RTN4RL1: variants seen among roughly 807,000 people sequenced by gnomAD.
RTN4RL1 encodes the protein reticulon 4 receptor like 1, also known as reticulon-4 receptor-like 1.
RTN4RL1 carries 7 observed loss-of-function variants against 25.6 expected under a neutral mutation model. That is an observed-to-expected ratio of 0.27 (90% CI 0.16 to 0.51). The LOEUF (loss-of-function observed/expected upper bound fraction) is 0.51, where lower values mean the gene tolerates loss of function less well. RTN4RL1 is among the 20% of genes least tolerant of loss of function. The probability of loss-of-function intolerance (pLI) is 0.97; values close to 1 mark genes in which losing one functional copy is unlikely to be tolerated. For missense variants in RTN4RL1, 500 were observed against 615.6 expected, an observed-to-expected ratio of 0.81 and a Z score of 1.99; for synonymous variants, 297 against 288.2, an observed-to-expected ratio of 1.03 and a Z score of -0.31.
At chr17:1,980,753 C>T (rs1017337948) in intron 1 of RTN4RL1, among the ~76,000 whole-genome samples, 1 of 151,208 alleles carries the variant, frequency 6.6e-6, no homozygotes, top group Non-Finnish European at 1.5e-5. Context: ...CATGGAGAAA[C>T]CCCGTCTCTA....
chr17:1,936,871 C>G lies in RTN4RL1; in HGVS notation c.951G>C (p.Thr317=). Residue 317 remains threonine (T), a synonymous_variant, in exon 2 of 2, where the codon ACG becomes ACC. Coordinates refer to ENST00000331238, the MANE Select transcript of RTN4RL1 (RefSeq NM_178568.4). The part of the protein sequence containing the change: ...PASPHQIKSH[T]LTTTDRAARK... ...GGGCGGCCCTGTCGGTGGTGGTGAG[C>G]GTGTGTGACTTGATCTGGTGCGGGG... 1 of 1,596,794 alleles carries G rather than the reference C, an allele frequency of 6.3e-7. No homozygotes were observed. The highest frequency in any genetic ancestry group is 8.5e-7 in the Non-Finnish European group (1 of 1,171,634).
At chr17:1,947,480 T>C (rs181779124) in intron 1 of RTN4RL1, among the ~76,000 whole-genome samples, 72 of 152,286 alleles carry the variant, frequency 4.7e-4, no homozygotes, top group Middle Eastern at 6.8e-3. Context: ...TGGCTCTGGT[T>C]TGCCTTCAAC....
At position 1,998,610 on chromosome 17, in the gene RTN4RL1, C is replaced by T. The variant is rs1202535190; in HGVS notation, c.13+26243G>A. 1.3e-5 allele frequency among the ~76,000 whole-genome samples: 2 copies of T among 152,170 alleles called. No individual in the cohort carries two copies. The highest frequency in any genetic ancestry group is 2.9e-5 in the Non-Finnish European group (2 of 67,974). ...GAACGCTGAGGCGGAGGGTGGGGGACGTGGGGCCGGCTCGCCTCCTCCTGG... is the reference window on the plus strand; with the variant it reads ...GAACGCTGAGGCGGAGGGTGGGGGATGTGGGGCCGGCTCGCCTCCTCCTGG... On this transcript the variant is annotated intron_variant, in intron 1 of 1. Transcript: ENST00000331238. This position sits in a 1 kb window ranked among gnomAD's most constrained non-coding sequence, Gnocchi z 4.9.
At chr17:1,946,975 G>C (rs111163784) in intron 1 of RTN4RL1, among the ~76,000 whole-genome samples, 59,421 of 146,190 alleles carry the variant, frequency 0.41, 12,843 homozygotes, top group Middle Eastern at 0.52. Flanking sequence ...GTCTCTGTGT[G>C]AATGTGTGTG....
Position 1,937,465 on chromosome 17 carries a change from C to T in RTN4RL1, c.357G>A (p.Glu119=), listed in dbSNP as rs760986954. The T allele has an allele frequency of 6.2e-7, 1 of 1,613,966 alleles. No homozygotes were observed. The highest frequency in any genetic ancestry group is 8.5e-7 in the Non-Finnish European group (1 of 1,179,886). ...DNRQLRTLAP[E]TFQGLVKLHA... is the part of the protein sequence containing the mutation. Reference sequence around the variant, plus strand: ...GAAGCTTCACCAGGCCCTGGAAGGTCTCGGGTGCCAGCGTCCGCAGCTGCC... The same window carrying T: ...GAAGCTTCACCAGGCCCTGGAAGGTTTCGGGTGCCAGCGTCCGCAGCTGCC... Residue 119 remains glutamate, a synonymous_variant, in exon 2 of 2, where the codon GAG becomes GAA. Transcript: ENST00000331238.
At chr17:2,005,205 C>G (rs2066984949) in intron 1 of RTN4RL1, among the ~76,000 whole-genome samples, 1 of 151,984 alleles carries the variant, frequency 6.6e-6, no homozygotes, top group Non-Finnish European at 1.5e-5. Context: ...TGTGGTCTCA[C>G]TATGTTGTCC....
chr17:2,024,923 A>G lies in RTN4RL1; in HGVS notation c.-58T>C, dbSNP rs1370544685. 8.5e-6 allele frequency: 13 copies of G among 1,536,506 alleles called. No individual in the cohort carries two copies. In the South Asian group the frequency reaches 1.4e-4, roughly 17 times the overall value. On this transcript the variant is annotated 5_prime_UTR_variant, in exon 1 of 2. Coordinates refer to ENST00000331238, the MANE Select transcript of RTN4RL1 (RefSeq NM_178568.4). ...CTAGGCGCACTCCCTCCCGGGGTCC[A>G]GATTCAAATCCCTGGGCGCCAGCTG...
intron 1 of RTN4RL1, among the ~76,000 whole-genome samples, chr17:1,987,282 A>G (rs1034124086): frequency 2.6e-5 from 4 of 152,080 alleles, no homozygotes; most frequent in Admixed American, 2.0e-4. Flanking sequence ...ACCTGCTCCC[A>G]GGCCTCCATG....
intron 1 of RTN4RL1, among the ~76,000 whole-genome samples, chr17:1,997,637 G>A (rs981620238): frequency 6.6e-6 from 1 of 152,206 alleles, no homozygotes; most frequent in African/African-American, 2.4e-5. Flanking sequence ...AGGAAATCGG[G>A]AGCACCACCA....
chr17:1,943,112 G>C (rs971807687), intron 1 of RTN4RL1, among the ~76,000 whole-genome samples: 2 of 152,212 alleles, frequency 1.3e-5, no homozygotes, highest in Admixed American at 6.5e-5. Flanking sequence ...CCTGGAAGCA[G>C]GACAGGACCA....
intron 1 of RTN4RL1, among the ~76,000 whole-genome samples, chr17:1,963,324 T>C (rs958012965): frequency 3.9e-5 from 6 of 152,250 alleles, no homozygotes; most frequent in Admixed American, 3.3e-4. Flanking sequence ...CCCGTGGCTC[T>C]GGGAGTCCAG....
intron 1 of RTN4RL1, among the ~76,000 whole-genome samples, chr17:1,973,882 T>C (rs1472070159): frequency 1.3e-5 from 2 of 151,058 alleles, no homozygotes; most frequent in African/African-American, 2.4e-5. Flanking sequence ...CTACTAAAAG[T>C]ACAAAAATTA....
intron 1 of RTN4RL1, among the ~76,000 whole-genome samples, chr17:1,982,731 C>T (rs2066873012): frequency 6.6e-6 from 1 of 152,174 alleles, no homozygotes; most frequent in Non-Finnish European, 1.5e-5. Flanking sequence ...GGAGGTGGAC[C>T]GCCAGGCTCC....
intron 1 of RTN4RL1, among the ~76,000 whole-genome samples, chr17:1,980,627 A>T (rs537736366): frequency 6.6e-6 from 1 of 152,182 alleles, no homozygotes; most frequent in Admixed American, 6.5e-5. Flanking sequence ...CAAACACAAG[A>T]GATTAATTCA....
Position 1,952,331 on chromosome 17 carries a change from G to GTTT in RTN4RL1, c.14-14524_14-14523insAAA, listed in dbSNP as rs1213295319. ...GGAGGGGCATGGGTCAAGGGAGGTT[G>GTTT]GTTTTTTTTTTTTTTTTTTTTTTGA... On this transcript the variant is annotated intron_variant, in intron 1 of 1. Transcript: ENST00000331238. 4.5e-3 allele frequency among the ~76,000 whole-genome samples: 444 copies of GTTT among 99,704 alleles called. 4 individuals carry two copies. The highest frequency in any genetic ancestry group is 8.9e-3 in the Admixed American group (86 of 9,708). 65.4% of individuals were successfully genotyped at this position (99,704 alleles called of 152,430 possible). A position where few individuals can be genotyped will look rare whatever the true frequency, so the allele number is the denominator to read the frequency against.
In RTN4RL1 at chr17:1,998,795, G is replaced by A. The variant is rs1597234289; in HGVS notation, c.13+26058C>T. Among the ~76,000 whole-genome samples, 1 of 151,826 alleles carries A rather than the reference G, an allele frequency of 6.6e-6. No individual in the cohort carries two copies. Among genetic ancestry groups the A allele is most frequent in the East Asian group, 1.9e-4 (1 of 5,166 alleles). ...GGACCCCGGGGTGGGGGTGGGGGTGGGGCTCTGCGAGGGCCCTAAAAACGC... is the reference window on the plus strand; with the variant it reads ...GGACCCCGGGGTGGGGGTGGGGGTGAGGCTCTGCGAGGGCCCTAAAAACGC... On this transcript the variant is annotated intron_variant, in intron 1 of 1. Transcript: ENST00000331238. The surrounding 1 kb of genome is among the most constrained non-coding windows in gnomAD (Gnocchi z 4.9).
intron 1 of RTN4RL1, among the ~76,000 whole-genome samples, chr17:1,938,104 CT>C (rs1915352132): frequency 6.6e-6 from 1 of 152,166 alleles, no homozygotes; most frequent in Non-Finnish European, 1.5e-5. Context: ...CCAGCCCCAC[CT>C]GCTCCAGCTC....
chr17:1,964,610 T>G (rs940122236), intron 1 of RTN4RL1, among the ~76,000 whole-genome samples: 4 of 151,458 alleles, frequency 2.6e-5, no homozygotes, highest in Non-Finnish European at 4.4e-5. Context: ...CGGGCGCCTG[T>G]AGTCCCAGCT....
At chr17:2,004,674 G>A (rs780666173) in intron 1 of RTN4RL1, among the ~76,000 whole-genome samples, 32 of 152,218 alleles carry the variant, frequency 2.1e-4, no homozygotes, top group Non-Finnish European at 4.0e-4. Flanking sequence ...CCCTGGCCCT[G>A]GGCAGAGAGG....
Sources: gnomAD v4.1 joint callset for allele counts (sites outside exome capture counted in the v4.1 genomes callset) on GRCh38, gnomAD v4.1.1 for gene constraint, Gnocchi (gnomAD v3.1) non-coding constraint, MANE v1.5 for transcripts, NCBI Gene and HGNC (gene_info 2026-07-23, HGNC 2026-07-21) for gene names.